The following IGFL2 variants were observed in gnomAD, a reference collection of about 807,000 sequenced individuals.
IGFL2 encodes IGF like family member 2.
A neutral mutation model predicts 13.9 loss-of-function variants in IGFL2; 7 were observed. That is an observed-to-expected ratio of 0.51 (90% CI 0.29 to 0.95). The LOEUF is 0.95. Ranked by LOEUF, IGFL2 falls within the 40% of genes least tolerant of loss-of-function variation. IGFL2 has a pLI of 0.08. For missense variants in IGFL2, 138 were observed against 147.8 expected (o/e 0.93, Z 0.34); for synonymous variants, 55 against 55.8 (o/e 0.99, Z 0.07).
the IGFL2 span, among the ~76,000 whole-genome samples, chr19:46,194,847 TA>T: frequency 3.1e-3 from 119 of 38,530 alleles, no homozygotes; most frequent in Non-Finnish European, 5.1e-3. Flanking sequence ...TATATATATA[TA>T]TATATTTTTT....
upstream of IGFL2, among the ~76,000 whole-genome samples, chr19:46,147,008 G>A (rs1187725658): frequency 1.3e-5 from 2 of 152,106 alleles, no homozygotes; most frequent in Non-Finnish European, 2.9e-5. Flanking sequence ...TAAAATAACA[G>A]TAAGAAACAC....
At chr19:46,171,957 C>T in the IGFL2 span, among the ~76,000 whole-genome samples, 4 of 151,098 alleles carry the variant, frequency 2.6e-5, no homozygotes, top group Non-Finnish European at 5.9e-5. Context: ...AGAACTTTCA[C>T]CAGGAATCTG....
At chr19:46,120,295 C>T in the IGFL2 span, 20 of 1,610,180 alleles carry the variant, frequency 1.2e-5, no homozygotes, top group Non-Finnish European at 1.7e-5. Flanking sequence ...TCTCTTCTCC[C>T]CTTGTCTGCC....
At chr19:46,115,186 CA>C in the IGFL2 span, among the ~76,000 whole-genome samples, 1 of 152,152 alleles carries the variant, frequency 6.6e-6, no homozygotes, top group Non-Finnish European at 1.5e-5. Flanking sequence ...TTGTGTGTTT[CA>C]AAAGGTCCTT....
At chr19:46,124,199 T>A in the IGFL2 span, 1 of 1,609,794 alleles carries the variant, frequency 6.2e-7, no homozygotes. Context: ...GAAGAACAGA[T>A]ACTCAATTCC....
chr19:46,201,534 A>G, the IGFL2 span, among the ~76,000 whole-genome samples: 1 of 151,962 alleles, frequency 6.6e-6, no homozygotes, highest in African/African-American at 2.4e-5. Context: ...CGCGTCCCCA[A>G]CCCAGCCCTG....
Position 46,160,862 on chromosome 19 carries a change from A to G in IGFL2, c.322A>G (p.Ile108Val). Residue 108 changes from isoleucine to valine, a missense_variant, in exon 3 of 4, where the codon ATC becomes GTC. Physicochemically the swap from Ile to Val is conservative, Grantham distance 29 (BLOSUM62 3). Coordinates refer to ENST00000377693, the MANE Select transcript of IGFL2 (RefSeq NM_001135113.2). ...GVNSQCHSSP[I>V]SSKCESRRRF... ...GAATTCCCAGTGCCACTCATCTCCC[A>G]TCTCCAGTAAATGTGAAAGGTAGGG... The G allele has an allele frequency of 3.7e-6, 6 of 1,613,902 alleles. No individual in the cohort carries two copies. The highest frequency in any genetic ancestry group is 5.1e-6 in the Non-Finnish European group (6 of 1,179,856).
chr19:46,201,668 A>T, the IGFL2 span, among the ~76,000 whole-genome samples: 3 of 152,012 alleles, frequency 2.0e-5, no homozygotes, highest in Non-Finnish European at 4.4e-5. Flanking sequence ...TTTTAATGGG[A>T]TAGTAACGGG....
chr19:46,104,076 C>T, the IGFL2 span, among the ~76,000 whole-genome samples: 1 of 152,234 alleles, frequency 6.6e-6, no homozygotes, highest in Admixed American at 6.5e-5. Context: ...CTTCATATGG[C>T]TGGGAATCTG....
intron 1 of IGFL2, among the ~76,000 whole-genome samples, chr19:46,157,096 GCCT>G (rs1973865997): frequency 6.6e-6 from 1 of 152,062 alleles, no homozygotes; most frequent in Non-Finnish European, 1.5e-5. Flanking sequence ...CATTTTAGTA[GCCT>G]TATAACTATT....
chr19:46,091,691 T>C, the IGFL2 span, among the ~76,000 whole-genome samples: 1 of 152,244 alleles, frequency 6.6e-6, no homozygotes, highest in Non-Finnish European at 1.5e-5. Context: ...TTTCTTACTC[T>C]TGTTGCTGAT....
At chr19:46,137,036 T>C in the IGFL2 span, 1 of 1,586,886 alleles carries the variant, frequency 6.3e-7, no homozygotes, top group Non-Finnish European at 8.6e-7. Flanking sequence ...CACAGTGGCA[T>C]GGCAGATCAC....
At chr19:46,093,948 AG>A in the IGFL2 span, among the ~76,000 whole-genome samples, 1 of 151,932 alleles carries the variant, frequency 6.6e-6, no homozygotes, top group Admixed American at 6.6e-5. Context: ...GATATACTGT[AG>A]CCATGGACTG....
chr19:46,092,070 ATAAGT>A, the IGFL2 span, among the ~76,000 whole-genome samples: 1 of 152,214 alleles, frequency 6.6e-6, no homozygotes, highest in Non-Finnish European at 1.5e-5. Flanking sequence ...GGATTTCAAG[ATAAGT>A]TAAATAATTA....
chr19:46,195,132 C>T, the IGFL2 span: 1 of 151,616 alleles, frequency 6.6e-6, no homozygotes, highest in South Asian at 2.1e-4. Flanking sequence ...CCTCCCACCT[C>T]ACCCTCCCAA....
At chr19:46,078,940 A>G in the IGFL2 span, among the ~76,000 whole-genome samples, 54 of 106 alleles carry the variant, frequency 0.51, 1 homozygote, top group Admixed American at 0.57. Context: ...AGGCGTCGTC[A>G]GTAGACATCG....
At chr19:46,130,677 AATTT>A in the IGFL2 span, among the ~76,000 whole-genome samples, 1 of 152,194 alleles carries the variant, frequency 6.6e-6, no homozygotes, top group Non-Finnish European at 1.5e-5. Flanking sequence ...GATTAGAAGA[AATTT>A]ATGAGCTTGG....
At chr19:46,154,861 C>T (rs1445649843) in intron 1 of IGFL2, among the ~76,000 whole-genome samples, 1 of 152,172 alleles carries the variant, frequency 6.6e-6, no homozygotes, top group African/African-American at 2.4e-5. Context: ...AACTTCTCCA[C>T]ACTCTTTTCA....
At chr19:46,107,363 C>G in the IGFL2 span, among the ~76,000 whole-genome samples, 1 of 152,166 alleles carries the variant, frequency 6.6e-6, no homozygotes, top group African/African-American at 2.4e-5. Flanking sequence ...AGCCTTGGGC[C>G]AGAGTTCCAG....
Sources: gnomAD v4.1 joint callset for allele counts (sites outside exome capture counted in the v4.1 genomes callset) on GRCh38, gnomAD v4.1.1 for gene constraint, MANE v1.5 for transcripts, NCBI Gene and HGNC (gene_info 2026-07-23, HGNC 2026-07-21) for gene names.